TMEM40: variants seen among roughly 807,000 people sequenced by gnomAD.
TMEM40 encodes the protein transmembrane protein 40.
TMEM40 carries 34 observed loss-of-function variants against 40.8 expected under a neutral mutation model. That is an observed-to-expected ratio of 0.83 (90% CI 0.63 to 1.11). The LOEUF (loss-of-function observed/expected upper bound fraction) is 1.11, where lower values mean the gene tolerates loss of function less well. Among genes scored for constraint, TMEM40 ranks in the 50% least tolerant of loss-of-function variants. The pLI, the probability that TMEM40 is intolerant of heterozygous loss-of-function variation, is 0.00. For synonymous variants in TMEM40, 106 were observed against 107.0 expected (o/e 0.99, Z 0.06); for missense variants, 296 against 280.2 (o/e 1.06, Z -0.40).
chr3:12,736,833 C>A lies in TMEM40; in HGVS notation c.475G>T (p.Glu159Ter). Residue 159 changes from glutamate to a stop codon, truncating the protein, a stop_gained and splice_region_variant, in exon 9 of 12, where the codon GAG (glutamate) becomes TAG (stop). Coordinates refer to ENST00000314124, the MANE Select transcript of TMEM40 (RefSeq NM_018306.4). LOFTEE classifies it high-confidence loss of function. Reference sequence around the variant, plus strand: ...CACAGGAGGACGAAATGGAAAAACTCATCTGTGAAGGCAGGGGTGGGCAAT... The same window carrying A: ...CACAGGAGGACGAAATGGAAAAACTAATCTGTGAAGGCAGGGGTGGGCAAT... ...LRRLNIKKDDEFFHFVLLCFA... is the reference protein window; with the variant it reads ...LRRLNIKKDD 1 of 1,614,134 alleles carries A rather than the reference C, an allele frequency of 6.2e-7. No individual in the cohort carries two copies.
chr3:12,750,648 A>G (rs1056281954), intron 1 of TMEM40, among the ~76,000 whole-genome samples: 25 of 152,168 alleles, frequency 1.6e-4, no homozygotes, highest in African/African-American at 5.8e-4. Flanking sequence ...AGGTCTTGCT[A>G]TATCACCCAG....
upstream of TMEM40, among the ~76,000 whole-genome samples, chr3:12,761,102 T>G (rs2061565857): frequency 6.6e-6 from 1 of 152,200 alleles, no homozygotes; most frequent in South Asian, 2.1e-4. Flanking sequence ...CCAAGGATAT[T>G]CCATGCAGAG....
intron 1 of TMEM40, among the ~76,000 whole-genome samples, chr3:12,754,445 T>C (rs1240235238): frequency 1.3e-5 from 2 of 152,184 alleles, no homozygotes; most frequent in Admixed American, 6.5e-5. Context: ...AAGAAAATAG[T>C]GCAAGCATCT....
At chr3:12,769,288 C>T (rs1292513163) in exon 1 of TMEM40, 2 of 409,806 alleles carry the variant, frequency 4.9e-6, no homozygotes, top group Admixed American at 2.5e-5. Flanking sequence ...CGGCCTCGGC[C>T]ATCCCAGGAA....
At chr3:12,738,195 G>C in intron 6 of TMEM40, 27 bp from the exon 7 acceptor site, 1 of 1,613,232 alleles carries the variant, frequency 6.2e-7, no homozygotes, top group East Asian at 2.2e-5. Context: ...CAACATTAGT[G>C]CCCAACCCCG....
At chr3:12,768,916 G>T (rs2061607728) in intron 1 of TMEM40, among the ~76,000 whole-genome samples, 1 of 97,074 alleles carries the variant, frequency 1.0e-5, no homozygotes, top group East Asian at 2.5e-4. Flanking sequence ...GCGGGCCGGG[G>T]CCGGGGCCGG....
chr3:12,767,266 T>C (rs546808494), intron 1 of TMEM40, among the ~76,000 whole-genome samples: 5 of 152,162 alleles, frequency 3.3e-5, no homozygotes, highest in Admixed American at 3.3e-4. Context: ...GGAAGGACTA[T>C]AGAGTCATCA....
At chr3:12,758,604 G>A (rs4420845) in intron 1 of TMEM40, among the ~76,000 whole-genome samples, 16,291 of 152,144 alleles carry the variant, frequency 0.11, 1,532 homozygotes, top group African/African-American at 0.25. Context: ...CCAGCTCTCT[G>A]GCATATCCTC....
At chr3:12,768,192 T>G (rs1452742412) in intron 1 of TMEM40, among the ~76,000 whole-genome samples, 1 of 152,184 alleles carries the variant, frequency 6.6e-6, no homozygotes, top group East Asian at 1.9e-4. Flanking sequence ...GAGTTGTTCG[T>G]TCCTCCCAGT....
upstream of TMEM40, among the ~76,000 whole-genome samples, chr3:12,762,221 T>C (rs1443588564): frequency 1.3e-5 from 2 of 152,218 alleles, no homozygotes; most frequent in Non-Finnish European, 1.5e-5. Context: ...TCTCCAGCCC[T>C]GGGTTCCCAA....
At chr3:12,740,086 T>C (rs1033449175) in intron 5 of TMEM40, among the ~76,000 whole-genome samples, 4 of 144,604 alleles carry the variant, frequency 2.8e-5, no homozygotes, top group African/African-American at 1.0e-4. Flanking sequence ...ATATTTATAA[T>C]ATTTATTTAT....
chr3:12,759,889 C>T (rs2061557177), upstream of TMEM40, among the ~76,000 whole-genome samples: 1 of 152,128 alleles, frequency 6.6e-6, no homozygotes, highest in Non-Finnish European at 1.5e-5. Context: ...AGCTTGCCTC[C>T]ACCTCTCACC....
At chr3:12,742,626 G>A in intron 4 of TMEM40, 119 bp from the exon 5 acceptor site, 1 of 1,213,048 alleles carries the variant, frequency 8.2e-7, no homozygotes, top group Non-Finnish European at 1.2e-6. Flanking sequence ...AGGTGAGGTG[G>A]GGGGCAGTCT....
intron 1 of TMEM40, among the ~76,000 whole-genome samples, chr3:12,757,325 T>A (rs1258922676): frequency 1.3e-5 from 2 of 151,798 alleles, no homozygotes; most frequent in Non-Finnish European, 2.9e-5. Context: ...CAAAATTAGC[T>A]GGGCATGGTG....
Position 12,733,728 on chromosome 3 carries a change from T to A in TMEM40, c.*1046A>T, listed in dbSNP as rs1306055461. The stretch of plus-strand genomic sequence containing the variant: ...TATCAATCACATAGCATGGTGACCA[T>A]AGTTAATAACAATGTATTGTATACT... On this transcript the variant is annotated 3_prime_UTR_variant, in exon 12 of 12. Transcript: ENST00000314124. The A allele has an allele frequency of 1.3e-5, 2 of 152,052 alleles. No homozygotes were observed. Among genetic ancestry groups the A allele is most frequent in the African/African-American group, 4.8e-5 (2 of 41,392 alleles). 9.4% of individuals were successfully genotyped at this position (152,052 alleles called of 1,614,324 possible).
intron 10 of TMEM40, among the ~76,000 whole-genome samples, 175 bp downstream of exon 10, chr3:12,736,403 G>A (rs1458393728): frequency 6.6e-6 from 1 of 152,144 alleles, no homozygotes; most frequent in African/African-American, 2.4e-5. Context: ...ACACACCTCA[G>A]CCTCCCAAAG....
At chr3:12,758,739 A>G (rs1559535066) in intron 1 of TMEM40, among the ~76,000 whole-genome samples, 1 of 152,200 alleles carries the variant, frequency 6.6e-6, no homozygotes, top group Non-Finnish European at 1.5e-5. Context: ...AGCTGCCTGT[A>G]GTCACTGATG....
At chr3:12,748,564 A>G in intron 3 of TMEM40, 91 bp downstream of exon 3, 1 of 1,497,566 alleles carries the variant, frequency 6.7e-7, no homozygotes, top group East Asian at 2.3e-5. Flanking sequence ...TTGGAGTTTC[A>G]AGTACTTCAA....
intron 8 of TMEM40, 47 bp downstream of exon 8, chr3:12,737,660 A>G (rs1559524223): frequency 2.5e-6 from 4 of 1,596,138 alleles, no homozygotes; most frequent in African/African-American, 1.3e-5. Flanking sequence ...ACCCCTAGAA[A>G]TCTAGCCAGA....
Sources: allele counts gnomAD v4.1 joint callset (sites outside exome capture counted in the v4.1 genomes callset), GRCh38; gene constraint gnomAD v4.1.1; transcripts MANE v1.5; gene names NCBI Gene and HGNC (gene_info 2026-07-23, HGNC 2026-07-21).